MACROD2: variants seen among roughly 807,000 people sequenced by gnomAD.
The protein encoded by MACROD2 is mono-ADP ribosylhydrolase 2, also known as ADP-ribose glycohydrolase MACROD2.
MACROD2 carries 36 observed loss-of-function variants against 70.4 expected under a neutral mutation model. The observed-to-expected ratio is 0.51, with a 90% CI of 0.39 to 0.68. MACROD2 has a LOEUF of 0.68. Ranked by LOEUF, MACROD2 falls within the 30% of genes least tolerant of loss-of-function variation. MACROD2 has a pLI of 0.00. For missense variants in MACROD2, 496 were observed against 538.4 expected (o/e 0.92, Z 0.78); for synonymous variants, 172 against 178.8 (o/e 0.96, Z 0.30).
intron 3 of MACROD2, among the ~76,000 whole-genome samples, chr20:14,234,657 A>G (rs956086690): frequency 1.3e-5 from 2 of 152,046 alleles, no homozygotes; most frequent in African/African-American, 4.8e-5. Flanking sequence ...CTATTGTTCT[A>G]GTTCTTTCTG....
At chr20:15,483,120 CT>C (rs1404809258) in intron 7 of MACROD2, among the ~76,000 whole-genome samples, 1 of 152,104 alleles carries the variant, frequency 6.6e-6, no homozygotes, top group African/African-American at 2.4e-5. Flanking sequence ...GGTGTCATAT[CT>C]AAAATGTCAC....
intron 6 of MACROD2, among the ~76,000 whole-genome samples, chr20:15,403,425 A>G (rs563661051): frequency 2.0e-5 from 3 of 151,492 alleles, no homozygotes; most frequent in Non-Finnish European, 2.9e-5. Flanking sequence ...AGAGAAGAAG[A>G]AGGAGGAGGA....
chr20:14,468,079 A>G (rs1405961662), intron 3 of MACROD2, among the ~76,000 whole-genome samples: 2 of 152,034 alleles, frequency 1.3e-5, no homozygotes, highest in Non-Finnish European at 2.9e-5. Context: ...AGAAGAATGT[A>G]TATTCTGTAG....
intron 8 of MACROD2, among the ~76,000 whole-genome samples, chr20:15,745,604 G>A (rs1288146741): frequency 2.0e-5 from 3 of 152,004 alleles, no homozygotes; most frequent in South Asian, 2.1e-4. Flanking sequence ...AAAGCTCTTC[G>A]TTTTGAATTT....
At chr20:14,169,928 C>T (rs6042564) in intron 3 of MACROD2, among the ~76,000 whole-genome samples, 1,682 of 151,996 alleles carry the variant, frequency 0.011, 30 homozygotes, top group African/African-American at 0.038. Context: ...GAGTCTCGCT[C>T]TGTCGCCCAG....
At chr20:14,476,514 C>T (rs1293553031) in intron 3 of MACROD2, among the ~76,000 whole-genome samples, 1 of 152,160 alleles carries the variant, frequency 6.6e-6, no homozygotes, top group African/African-American at 2.4e-5. Context: ...CACCACCACG[C>T]CCAGCTAACT....
intron 2 of MACROD2, among the ~76,000 whole-genome samples, chr20:14,071,283 T>C (rs12481183): frequency 0.22 from 25,586 of 114,248 alleles, 3,291 homozygotes; most frequent in South Asian, 0.3. Flanking sequence ...TTTTTTGAGA[T>C]GGAGTCTTGC....
At chr20:14,521,205 A>AC (rs1349862684) in intron 4 of MACROD2, among the ~76,000 whole-genome samples, 1 of 152,046 alleles carries the variant, frequency 6.6e-6, no homozygotes, top group Non-Finnish European at 1.5e-5. Flanking sequence ...GTTAGTTGTC[A>AC]CCCTCAGCTT....
chr20:14,589,714 C>T (rs545995503), intron 4 of MACROD2, among the ~76,000 whole-genome samples: 183 of 152,158 alleles, frequency 1.2e-3, no homozygotes, highest in African/African-American at 4.1e-3. Context: ...CTGTATTAGA[C>T]GTGGCTAGCC....
At chr20:15,055,926 A>G (rs2075481424) in intron 5 of MACROD2, among the ~76,000 whole-genome samples, 1 of 150,982 alleles carries the variant, frequency 6.6e-6, no homozygotes, top group Non-Finnish European at 1.5e-5. Context: ...AGCTGGGATT[A>G]TAGGCGCCCA....
chr20:15,109,474 T>C (rs2075937977), intron 5 of MACROD2, among the ~76,000 whole-genome samples: 1 of 152,046 alleles, frequency 6.6e-6, no homozygotes, highest in African/African-American at 2.4e-5. Flanking sequence ...GTGGAAGAGG[T>C]AGGAAGCTAA....
At chr20:14,189,879 G>A (rs532920087) in intron 3 of MACROD2, among the ~76,000 whole-genome samples, 1 of 152,090 alleles carries the variant, frequency 6.6e-6, no homozygotes, top group East Asian at 1.9e-4. Flanking sequence ...GAAGCTCATT[G>A]GCATAGAAAC....
intron 3 of MACROD2, among the ~76,000 whole-genome samples, chr20:14,307,165 T>A (rs1277020900): frequency 6.6e-6 from 1 of 152,146 alleles, no homozygotes; most frequent in East Asian, 1.9e-4. Flanking sequence ...AACTTCAGCA[T>A]AATCTGAGAA....
At chr20:14,359,416 C>T (rs568952057) in intron 3 of MACROD2, among the ~76,000 whole-genome samples, 1 of 151,990 alleles carries the variant, frequency 6.6e-6, no homozygotes, top group African/African-American at 2.4e-5. Context: ...GGAGATTCCT[C>T]AAAATATTAA....
At chr20:15,905,504 T>C (rs142157528) in intron 10 of MACROD2, among the ~76,000 whole-genome samples, 6 of 152,340 alleles carry the variant, frequency 3.9e-5, no homozygotes, top group Non-Finnish European at 5.9e-5. Flanking sequence ...TGTTTGCCTT[T>C]GTTTTGTTGA....
intron 7 of MACROD2, among the ~76,000 whole-genome samples, chr20:15,487,136 T>A (rs564964094): frequency 6.6e-6 from 1 of 152,246 alleles, no homozygotes; most frequent in Non-Finnish European, 1.5e-5. Flanking sequence ...GCAAGTCAGA[T>A]GGCCAAAGTC....
chr20:15,627,450 T>C (rs1055966451), intron 8 of MACROD2, among the ~76,000 whole-genome samples: 1 of 152,110 alleles, frequency 6.6e-6, no homozygotes, highest in Non-Finnish European at 1.5e-5. Context: ...AAGTTACTAC[T>C]CATATCAATC....
chr20:16,012,484 G>A lies in MACROD2; in HGVS notation c.1153+25326G>A, dbSNP rs567980264. ...CAGCATTTTAAAAATCTCCCTGAGT[G>A]ACTCCAATGTGTAGCCAAGATGGAT... On this transcript the variant is annotated intron_variant, in intron 15 of 17. Transcript: ENST00000684519. Among the ~76,000 whole-genome samples, 4 of 152,276 alleles carry A rather than the reference G, an allele frequency of 2.6e-5. No individual in the cohort carries two copies. In the East Asian group the frequency reaches 7.7e-4, roughly 29 times the overall value.
chr20:14,811,158 G>A (rs755475653), intron 5 of MACROD2, among the ~76,000 whole-genome samples: 6 of 152,038 alleles, frequency 3.9e-5, no homozygotes, highest in Non-Finnish European at 8.8e-5. Context: ...GAACGAAGCT[G>A]GTGGCATCAC....
Sources: gnomAD v4.1 joint callset for allele counts (sites outside exome capture counted in the v4.1 genomes callset) on GRCh38, gnomAD v4.1.1 for gene constraint, MANE v1.5 for transcripts, NCBI Gene and HGNC (gene_info 2026-07-23, HGNC 2026-07-21) for gene names.